Variants in MAP3K13 observed in about 807,000 individuals in gnomAD.
MAP3K13 encodes mitogen-activated protein kinase kinase kinase 13.
Under a neutral mutation model 104.0 loss-of-function variants are expected in MAP3K13, and 52 were observed. The observed-to-expected ratio is 0.50, with a 90% confidence interval of 0.40 to 0.63. The LOEUF (loss-of-function observed/expected upper bound fraction) is 0.63, where lower values mean the gene tolerates loss of function less well. Ranked by LOEUF, MAP3K13 falls within the 20% of genes least tolerant of loss-of-function variation. The pLI is 0.00. For missense variants in MAP3K13, 914 were observed against 1,218.5 expected, an observed-to-expected ratio of 0.75 and a Z score of 3.72; for synonymous variants, 394 against 442.2, an observed-to-expected ratio of 0.89 and a Z score of 1.37.
chr3:185,404,523 A>G (rs939556832), intron 1 of MAP3K13, among the ~76,000 whole-genome samples: 1 of 152,230 alleles, frequency 6.6e-6, no homozygotes, highest in Admixed American at 6.5e-5. Flanking sequence ...CAATCAGACC[A>G]GCTTCATGGG....
rs574982410 is a variant in MAP3K13 at position 185,302,429 on chromosome 3, T to TAAA, written c.-86+16786_-86+16787insAAA. On this transcript the variant is annotated intron_variant, in intron 2 of 14. Transcript: ENST00000424227. The stretch of plus-strand genomic sequence containing the variant: ...CTGTCTGAAAAAGTAAATAAATAAA[T>TAAA]TAACAAATAAATAATATTAAGTCTT... Among the ~76,000 whole-genome samples, 554 of 152,146 alleles carry TAAA rather than the reference T, an allele frequency of 3.6e-3. 5 individuals carry two copies. The highest frequency in any genetic ancestry group is 0.013 in the African/African-American group (535 of 41,530).
chr3:185,310,665 T>C (rs1329957238), intron 2 of MAP3K13, among the ~76,000 whole-genome samples: 2 of 151,914 alleles, frequency 1.3e-5, no homozygotes, highest in Admixed American at 1.3e-4. Flanking sequence ...ATAAATAAAT[T>C]TGAAGGCAGA....
intron 2 of MAP3K13, 110 bp downstream of exon 2, chr3:185,429,166 T>A: frequency 1.1e-6 from 1 of 948,720 alleles, no homozygotes; most frequent in Non-Finnish European, 1.6e-6. Context: ...ATTAAAGAAC[T>A]AGTGACAGAT....
intron 1 of MAP3K13, among the ~76,000 whole-genome samples, chr3:185,380,279 A>T (rs996464392): frequency 6.6e-6 from 1 of 150,710 alleles, no homozygotes; most frequent in Non-Finnish European, 1.5e-5. Context: ...TTGGGAAGCC[A>T]AGGCAGGAGG....
At chr3:185,409,146 T>C (rs1262960229) in intron 1 of MAP3K13, among the ~76,000 whole-genome samples, 1 of 152,150 alleles carries the variant, frequency 6.6e-6, no homozygotes, top group Non-Finnish European at 1.5e-5. Context: ...AGCAGGCAGA[T>C]CACTTGAGGT....
At chr3:185,429,518 T>C (rs935781594) in intron 2 of MAP3K13, among the ~76,000 whole-genome samples, 2 of 152,238 alleles carry the variant, frequency 1.3e-5, no homozygotes, top group Non-Finnish European at 2.9e-5. Context: ...TTTGGGAAGC[T>C]GAGGCAGGAG....
rs753055831 is a variant in MAP3K13 at position 185,485,398 on chromosome 3, G to A, written c.*2942G>A. 5.9e-5 allele frequency: 9 copies of A among 152,128 alleles called. No individual in the cohort carries two copies. The highest frequency in any genetic ancestry group is 2.1e-4 in the South Asian group (1 of 4,824). 9.4% of individuals were successfully genotyped at this position (152,128 alleles called of 1,614,324 possible). A position where few individuals can be genotyped will look rare whatever the true frequency, so the allele number is the denominator to read the frequency against. On this transcript the variant is annotated 3_prime_UTR_variant, in exon 14 of 14. Coordinates refer to ENST00000265026, the MANE Select transcript of MAP3K13 (RefSeq NM_004721.5). The stretch of plus-strand genomic sequence containing the variant: ...GCTTCATTTTCATGGTTTCAGTTAC[G>A]CTCAACAGCAGTCCAAAAATATTTG...
chr3:185,443,492 G>A lies in MAP3K13; in HGVS notation c.707G>A (p.Cys236Tyr). ...TGTTATTGTATTATCATGGAATACT[G>A]TGCCCATGGACAACTCTACGAGGTC... is the stretch of plus-strand genomic sequence containing the variant. The part of the protein sequence containing the change: ...APCYCIIMEY[C>Y]AHGQLYEVLR... Residue 236 changes from cysteine to tyrosine, a missense_variant, in exon 4 of 14, where the codon TGT (cysteine) becomes TAT (tyrosine). Transcript: ENST00000265026. 6.2e-7 allele frequency: 1 copy of A among 1,614,062 alleles called. No homozygotes were observed.
In MAP3K13 at chr3:185,482,293, GT is replaced by G; in HGVS notation, c.2800-59del. ...GCACAGTGCCTGTTGTGTGGGAGGT[GT>G]TTGACATATATTTACTGAGTGATTA... On this transcript the variant is annotated intron_variant, in intron 13 of 13. Transcript: ENST00000265026. This position sits in a 1 kb window ranked among gnomAD's most constrained non-coding sequence, Gnocchi z 4.5. 1 of 1,221,798 alleles carries G rather than the reference GT, an allele frequency of 8.2e-7. No individual in the cohort carries two copies. The allele number at this position is 1,221,798 out of a possible 1,614,324, so 75.7% of individuals were successfully genotyped here.
intron 2 of MAP3K13, among the ~76,000 whole-genome samples, chr3:185,352,783 A>G (rs1456233152): frequency 6.6e-6 from 1 of 152,194 alleles, no homozygotes; most frequent in Non-Finnish European, 1.5e-5. Flanking sequence ...CCTCATTCCT[A>G]TATTCTCCTG....
chr3:185,481,685 C>T (rs77917363), intron 13 of MAP3K13, among the ~76,000 whole-genome samples: 1 of 152,330 alleles, frequency 6.6e-6, no homozygotes, highest in African/African-American at 2.4e-5. Context: ...ATTCCACTTA[C>T]TGTGGGACCT....
intron 1 of MAP3K13, among the ~76,000 whole-genome samples, chr3:185,401,200 G>T (rs960374430): frequency 2.0e-5 from 3 of 152,174 alleles, no homozygotes; most frequent in African/African-American, 7.2e-5. Context: ...GGATGAAGCA[G>T]CCCTAAGCCT....
chr3:185,338,906 T>C (rs1027526198), intron 2 of MAP3K13, among the ~76,000 whole-genome samples: 11 of 152,034 alleles, frequency 7.2e-5, no homozygotes, highest in Non-Finnish European at 1.6e-4. Flanking sequence ...ATAATAACAA[T>C]GTATAATAGA....
At chr3:185,380,940 G>A (rs1035716006) in intron 1 of MAP3K13, among the ~76,000 whole-genome samples, 3 of 142,794 alleles carry the variant, frequency 2.1e-5, no homozygotes, top group African/African-American at 7.5e-5. Flanking sequence ...GAGGAAGAAG[G>A]TTTTTTTGTT....
chr3:185,330,027 C>T (rs1722195672), intron 2 of MAP3K13, among the ~76,000 whole-genome samples: 6 of 144,790 alleles, frequency 4.1e-5, no homozygotes, highest in Admixed American at 3.5e-4. Flanking sequence ...TTATAGGCGC[C>T]CGCCACCATG....
intron 1 of MAP3K13, among the ~76,000 whole-genome samples, chr3:185,373,239 A>C (rs375319061): frequency 1.6e-4 from 25 of 152,248 alleles, no homozygotes; most frequent in African/African-American, 5.3e-4. Flanking sequence ...TTTTCATCAC[A>C]GGAAACTGAA....
intron 1 of MAP3K13, among the ~76,000 whole-genome samples, chr3:185,402,817 A>G (rs1712893532): frequency 6.6e-6 from 1 of 152,204 alleles, no homozygotes; most frequent in Admixed American, 6.5e-5. Context: ...TTGTCTCTCC[A>G]GCTGGGCAAT....
chr3:185,462,826 C>A (rs1717191227), intron 7 of MAP3K13, among the ~76,000 whole-genome samples: 1 of 152,118 alleles, frequency 6.6e-6, no homozygotes, highest in East Asian at 1.9e-4. Context: ...CATTCAAAGC[C>A]TAGGTGAATG....
Position 185,428,594 on chromosome 3 carries a change from C to G in MAP3K13, c.13C>G (p.Gln5Glu), listed in dbSNP as rs376831918. 86 of 1,587,572 alleles carry G rather than the reference C, an allele frequency of 5.4e-5. No homozygotes were observed. The highest frequency in any genetic ancestry group is 7.3e-5 in the Non-Finnish European group (85 of 1,164,570). Reference protein sequence around the residue: MANFQEHLSCSSSPH... With the variant: MANFEEHLSCSSSPH... ...TACTCATGGCACGATGGCCAACTTT[C>G]AGGAGCACCTGAGCTGCTCCTCTTC... The change falls in exon 2 of 14, where the codon CAG becomes GAG. Residue 5 changes from glutamine (Q) to glutamate (E), a missense_variant. By Grantham distance (29) the Gln-to-Glu change is conservative. This residue lies in a region of MAP3K13 where 156 missense variants were observed against 159.8 expected (regional missense o/e 0.98). Coordinates refer to ENST00000265026, the MANE Select transcript of MAP3K13 (RefSeq NM_004721.5).
Sources: allele counts gnomAD v4.1 joint callset (sites outside exome capture counted in the v4.1 genomes callset), GRCh38; gene constraint gnomAD v4.1.1; regional missense constraint gnomAD v4.1.1; non-coding constraint Gnocchi (gnomAD v3.1); transcripts MANE v1.5; gene names NCBI Gene and HGNC (gene_info 2026-07-23, HGNC 2026-07-21).